Variants in ESR1 observed in about 807,000 individuals in gnomAD.
The protein encoded by ESR1 is estrogen receptor 1.
ESR1 carries 12 observed loss-of-function variants against 52.7 expected under a neutral mutation model. The ratio of observed to expected loss-of-function variants is 0.23; its 90% confidence interval spans 0.15 to 0.37. The LOEUF (loss-of-function observed/expected upper bound fraction) is 0.37, where lower values mean the gene tolerates loss of function less well. Among genes scored for constraint, ESR1 ranks in the 10% least tolerant of loss-of-function variants. ESR1 has a pLI of 1.00. For synonymous variants in ESR1, 305 were observed against 316.8 expected (o/e 0.96, Z 0.39); for missense variants, 584 against 779.7 (o/e 0.75, Z 2.99).
chr6:151,809,222 C>G (rs557973923), intron 1 of ESR1: 4 of 457,880 alleles, frequency 8.7e-6, no homozygotes, highest in African/African-American at 6.0e-5. Context: ...GTGGAAGGAG[C>G]GCGGCCGGTC....
At chr6:152,058,446 C>T (rs1377478335) in intron 5 of ESR1, among the ~76,000 whole-genome samples, 1 of 152,184 alleles carries the variant, frequency 6.6e-6, no homozygotes, top group Non-Finnish European at 1.5e-5. Context: ...GCCAACCTCT[C>T]CCTTGACATA....
intron 1 of ESR1, among the ~76,000 whole-genome samples, chr6:151,685,103 G>C (rs868436402): frequency 5.5e-5 from 7 of 127,614 alleles, no homozygotes; most frequent in Non-Finnish European, 8.3e-5. Context: ...TCTGACACTG[G>C]CCTCTTTTTT....
intron 3 of ESR1, among the ~76,000 whole-genome samples, chr6:151,894,317 G>GATT (rs1795138821): frequency 6.6e-6 from 1 of 151,902 alleles, no homozygotes; most frequent in Admixed American, 6.6e-5. Context: ...TAGATGTATA[G>GATT]ATTATGTCTC....
At chr6:151,659,811 T>C (rs895152821) in intron 1 of ESR1, among the ~76,000 whole-genome samples, 1 of 152,228 alleles carries the variant, frequency 6.6e-6, no homozygotes, top group African/African-American at 2.4e-5. Flanking sequence ...TTCAAATGTT[T>C]ATCCCTAAAA....
At chr6:152,049,254 C>T (rs906531773) in intron 5 of ESR1, among the ~76,000 whole-genome samples, 1 of 152,212 alleles carries the variant, frequency 6.6e-6, no homozygotes, top group Non-Finnish European at 1.5e-5. Context: ...ATAACCAACT[C>T]TAACCTCCTT....
At chr6:152,109,191 A>C (rs13192942) in intron 6 of ESR1, among the ~76,000 whole-genome samples, 33,288 of 152,108 alleles carry the variant, frequency 0.22, 4,244 homozygotes, top group East Asian at 0.36. Flanking sequence ...CCATGATCCA[A>C]TCACCTCCCA....
At chr6:152,024,502 T>A (rs2043955565) in intron 5 of ESR1, among the ~76,000 whole-genome samples, 1 of 151,818 alleles carries the variant, frequency 6.6e-6, no homozygotes, top group Non-Finnish European at 1.5e-5. Flanking sequence ...TCTTCATATC[T>A]AAGACCAAGG....
At chr6:152,095,973 T>C (rs2152499705) in intron 7 of ESR1, among the ~76,000 whole-genome samples, 1 of 152,332 alleles carries the variant, frequency 6.6e-6, no homozygotes, top group Non-Finnish European at 1.5e-5. Context: ...AAGGTGAAAG[T>C]GGTCTCATTT....
chr6:152,065,872 C>T (rs1202732244), intron 6 of ESR1, among the ~76,000 whole-genome samples: 3 of 152,128 alleles, frequency 2.0e-5, no homozygotes, highest in Non-Finnish European at 4.4e-5. Context: ...ATTTCTCTTT[C>T]AATTGGTGGA....
At chr6:151,788,940 T>C (rs1031484844) in intron 2 of ESR1, among the ~76,000 whole-genome samples, 1 of 152,062 alleles carries the variant, frequency 6.6e-6, no homozygotes, top group African/African-American at 2.4e-5. Flanking sequence ...TAACAGACAC[T>C]GGGGCCTATC....
At chr6:151,993,190 T>A (rs569483161) in intron 4 of ESR1, among the ~76,000 whole-genome samples, 1 of 152,168 alleles carries the variant, frequency 6.6e-6, no homozygotes, top group Admixed American at 6.6e-5. Context: ...TTTATATATA[T>A]GTAAAATACA....
chr6:151,896,758 T>C (rs1795581170), intron 3 of ESR1, among the ~76,000 whole-genome samples: 1 of 152,184 alleles, frequency 6.6e-6, no homozygotes, highest in South Asian at 2.1e-4. Context: ...CTGTAGTTCC[T>C]TGATTTGTGA....
intron 2 of ESR1, among the ~76,000 whole-genome samples, chr6:151,714,593 C>T (rs1021728794): frequency 1.3e-5 from 2 of 152,022 alleles, no homozygotes; most frequent in East Asian, 1.9e-4. Context: ...TTATGTAATG[C>T]CCTTCTTTGT....
At chr6:151,966,778 C>G (rs1010849886) in intron 4 of ESR1, among the ~76,000 whole-genome samples, 1 of 152,132 alleles carries the variant, frequency 6.6e-6, no homozygotes, top group Non-Finnish European at 1.5e-5. Flanking sequence ...CACCCTTATC[C>G]ACAGCTGATT....
intron 2 of ESR1, among the ~76,000 whole-genome samples, chr6:151,739,612 G>A (rs1782929469): frequency 6.6e-6 from 1 of 152,176 alleles, no homozygotes; most frequent in Non-Finnish European, 1.5e-5. Flanking sequence ...CTTTCTCCTT[G>A]ACTGTCAAAT....
At chr6:151,801,949 C>T (rs912836412), upstream of ESR1, among the ~76,000 whole-genome samples, 1 of 152,156 alleles carries the variant, frequency 6.6e-6, no homozygotes, top group African/African-American at 2.4e-5. Context: ...TTTATTTTGC[C>T]ACCTGGCCCA....
At chr6:151,984,124 T>C (rs1176247717) in intron 4 of ESR1, 3 of 152,138 alleles carry the variant, frequency 2.0e-5, no homozygotes, top group Non-Finnish European at 1.5e-5. Flanking sequence ...AAGATAATTG[T>C]CTACTTTTAA....
At chr6:151,886,084 C>T (rs1254736439) in intron 3 of ESR1, among the ~76,000 whole-genome samples, 1 of 151,520 alleles carries the variant, frequency 6.6e-6, no homozygotes, top group African/African-American at 2.4e-5. Context: ...GCAATTTCAT[C>T]ACTTCTACAA....
chr6:152,122,942 T>C (rs2051873062), intron 6 of ESR1, among the ~76,000 whole-genome samples: 1 of 152,222 alleles, frequency 6.6e-6, no homozygotes, highest in Admixed American at 6.5e-5. Flanking sequence ...TACCCCTTAA[T>C]GTGGTGAAAC....
Sources: allele counts gnomAD v4.1 joint callset (sites outside exome capture counted in the v4.1 genomes callset), GRCh38; gene constraint gnomAD v4.1.1; transcripts MANE v1.5; gene names NCBI Gene and HGNC (gene_info 2026-07-23, HGNC 2026-07-21).